PROSER1: variants seen among roughly 807,000 people sequenced by gnomAD.
The protein encoded by PROSER1 is proline and serine-rich protein 1.
Under a neutral mutation model 71.8 loss-of-function variants are expected in PROSER1, and 36 were observed. The observed-to-expected ratio is 0.50, with a 90% confidence interval of 0.38 to 0.66. The LOEUF (loss-of-function observed/expected upper bound fraction) is 0.66. PROSER1 is among the 30% of genes least tolerant of loss of function. The probability of loss-of-function intolerance (pLI) is 0.00; values close to 1 mark genes in which losing one functional copy is unlikely to be tolerated. For missense variants in PROSER1, 1,107 were observed against 1,135.0 expected, an observed-to-expected ratio of 0.98 and a Z score of 0.35; for synonymous variants, 490 against 452.4, an observed-to-expected ratio of 1.08 and a Z score of -1.06.
At chr13:39,036,800 A>C (rs972202641) in intron 1 of PROSER1, among the ~76,000 whole-genome samples, 1 of 152,176 alleles carries the variant, frequency 6.6e-6, no homozygotes, top group Non-Finnish European at 1.5e-5. Flanking sequence ...ACCCCATCAT[A>C]ATAACTACCA....
chr13:39,014,273 G>T lies in PROSER1; in HGVS notation c.979C>A (p.Pro327Thr). 1 of 1,614,150 alleles carries T rather than the reference G, an allele frequency of 6.2e-7. No individual in the cohort carries two copies. Among genetic ancestry groups the T allele is most frequent in the Non-Finnish European group, 8.5e-7 (1 of 1,180,012 alleles). Residue 327 changes from proline (P) to threonine (T), a missense_variant, in exon 11 of 13, where the codon CCT becomes ACT. Transcript: ENST00000352251. ...GTTGGGTTTGGTATTGATGGCTGAG[G>T]TGTGTGAACGGCTGAGGAGACCTGC... ...PGQVSSAVHT[P>T]QPSIPNPTVI...
chr13:39,013,268 C>A lies in PROSER1; in HGVS notation c.1984G>T (p.Gly662Cys), dbSNP rs1869780304. ...LSACLNPALS[G>C]LSSLSTPLNG... ...AAAGGAGTACTCAAGCTGGAGAGAC[C>A]TGACAATGCAGGATTAAGGCAAGCA... is the stretch of plus-strand genomic sequence containing the variant. The change falls in exon 11 of 13, where the codon GGT (glycine) becomes TGT (cysteine). Residue 662 changes from glycine (G) to cysteine (C), a missense_variant. Coordinates refer to ENST00000352251, the MANE Select transcript of PROSER1 (RefSeq NM_025138.5). 1.2e-6 allele frequency: 2 copies of A among 1,613,918 alleles called. No individual in the cohort carries two copies. The highest frequency in any genetic ancestry group is 1.7e-6 in the Non-Finnish European group (2 of 1,180,016).
Position 39,023,106 on chromosome 13 carries a change from T to TATGTGG in PROSER1, c.583_588dup (p.Pro195_His196dup). ...GGAGGTATCGGATAAGGAACAGGTTTATGTGGATTATATGTTGAAGGAGGC... is the reference window on the plus strand; with the variant it reads ...GGAGGTATCGGATAAGGAACAGGTTTATGTGGATGTGGATTATATGTTGAAGGAGGC... On this transcript the variant is annotated inframe_insertion, in exon 8 of 13. Coordinates refer to ENST00000352251, the MANE Select transcript of PROSER1 (RefSeq NM_025138.5). The TATGTGG allele has an allele frequency of 1.9e-6, 3 of 1,613,240 alleles. No individual in the cohort carries two copies. Among genetic ancestry groups the TATGTGG allele is most frequent in the Non-Finnish European group, 2.5e-6 (3 of 1,179,350 alleles).
chr13:39,036,426 C>G (rs746472209), intron 1 of PROSER1, among the ~76,000 whole-genome samples: 3 of 152,110 alleles, frequency 2.0e-5, no homozygotes, highest in Non-Finnish European at 4.4e-5. Flanking sequence ...ATGCAGCTGA[C>G]GAAAGAATAA....
chr13:39,020,078 TAAAAAA>T (rs34446921), intron 9 of PROSER1, among the ~76,000 whole-genome samples: 1 of 137,614 alleles, frequency 7.3e-6, no homozygotes, highest in African/African-American at 2.6e-5. Flanking sequence ...TCAAGAGACT[TAAAAAA>T]AAAAAAAAAC....
rs1259480972 is a variant in PROSER1, at chr13:39,011,495, A to G, written c.2713-8T>C. 7 of 1,613,408 alleles carry G rather than the reference A, an allele frequency of 4.3e-6. No homozygotes were observed. The highest frequency in any genetic ancestry group is 4.0e-5 in the African/African-American group (3 of 74,922). On this transcript the variant is annotated splice_polypyrimidine_tract_variant and splice_region_variant and intron_variant, in intron 12 of 12. Coordinates refer to ENST00000352251, the MANE Select transcript of PROSER1 (RefSeq NM_025138.5). ...AGCCGAAGCTGAATGGACCTGATGG[A>G]AAGAAGAGCGTGTGGTTTAGCAGAG...
rs1393982883 is a variant in PROSER1, at chr13:39,012,966, G to A, written c.2286C>T (p.Phe762=). ...GAACAGCAGTGGACAGGTTGAGGGG[G>A]AAAGGTGCTGCTGAGACTGGTGCTG... ...SASAPVSAAP[F]PLNLSTAVPS... Residue 762 remains phenylalanine (F), a synonymous_variant, in exon 11 of 13, where the codon TTC becomes TTT. Transcript: ENST00000352251. The A allele has an allele frequency of 1.9e-6, 3 of 1,614,146 alleles. No homozygotes were observed. The highest frequency in any genetic ancestry group is 1.1e-5 in the South Asian group (1 of 91,084).
At chr13:39,032,508 G>A (rs1349474585) in intron 2 of PROSER1, among the ~76,000 whole-genome samples, 3 of 152,126 alleles carry the variant, frequency 2.0e-5, no homozygotes, top group South Asian at 2.1e-4. Context: ...CTGAAAATAC[G>A]CTAAGGTTCC....
At chr13:39,026,415 G>GA in intron 5 of PROSER1, 28 bp from the exon 6 acceptor site, 1 of 1,467,210 alleles carries the variant, frequency 6.8e-7, no homozygotes, top group Non-Finnish European at 9.4e-7. Context: ...AGAGGGGTAG[G>GA]AAAAAAATTC....
chr13:39,029,452 T>A, intron 3 of PROSER1, 77 bp from the exon 4 acceptor site: 2 of 704,020 alleles, frequency 2.8e-6, no homozygotes, highest in Non-Finnish European at 2.3e-6. Context: ...GAAGTACAGT[T>A]AAATGCTCTT....
At chr13:39,032,569 G>T (rs374434931) in intron 2 of PROSER1, among the ~76,000 whole-genome samples, 24 of 152,188 alleles carry the variant, frequency 1.6e-4, no homozygotes, top group African/African-American at 5.8e-4. Flanking sequence ...GGTATGTAAA[G>T]AGAGTAAAAA....
chr13:39,029,586 A>G (rs1238201300), intron 3 of PROSER1, among the ~76,000 whole-genome samples: 2 of 152,174 alleles, frequency 1.3e-5, no homozygotes, highest in East Asian at 1.9e-4. Flanking sequence ...GATCTAATGA[A>G]GATCTAAGTT....
At chr13:39,023,706 T>A (rs548059713) in intron 7 of PROSER1, 1 of 152,580 alleles carries the variant, frequency 6.6e-6, no homozygotes, top group African/African-American at 2.4e-5. Context: ...AATCCACCAA[T>A]ACTTATTTTA....
In PROSER1 at chr13:39,024,658, G is replaced by C; in HGVS notation, c.481-102C>G. On this transcript the variant is annotated intron_variant, in intron 6 of 12. Transcript: ENST00000352251. ...TGTATTACACTGAAGAAAAGGACTTGGTAAGAGTGTAAAGACTTGCATTCC... is the reference window on the plus strand; with the variant it reads ...TGTATTACACTGAAGAAAAGGACTTCGTAAGAGTGTAAAGACTTGCATTCC... 6.1e-6 allele frequency: 5 copies of C among 815,036 alleles called. No individual in the cohort carries two copies. The South Asian group carries it at 8.7e-5, about 14-fold the overall frequency. 50.5% of individuals were successfully genotyped at this position (815,036 alleles called of 1,614,324 possible).
At position 39,012,711 on chromosome 13, in the gene PROSER1, G is replaced by A. The variant is rs781087523; in HGVS notation, c.2541C>T (p.Ser847=). The A allele has an allele frequency of 1.3e-5, 21 of 1,589,686 alleles. No individual in the cohort carries two copies. The highest frequency in any genetic ancestry group is 1.5e-5 in the Non-Finnish European group (18 of 1,168,278). ...CATACCCGGCTTGTGCAACAAGAGC[G>A]GAGTTGAAATTGGAACTGAATGCTG... ...FASAFSSNFN[S]ALVAQAGLSS... is the part of the protein sequence containing the mutation. The change falls in exon 11 of 13, where the codon TCC becomes TCT. Residue 847 remains serine, a synonymous_variant. Transcript: ENST00000352251.
rs187958429 is a variant in PROSER1, at chr13:39,012,710, C to A, written c.2542G>T (p.Ala848Ser). The change falls in exon 11 of 13, where the codon GCT becomes TCT. Residue 848 changes from alanine (A) to serine (S), a missense_variant. Ala to Ser is a moderately conservative substitution (Grantham distance 99). Coordinates refer to ENST00000352251, the MANE Select transcript of PROSER1 (RefSeq NM_025138.5). ...ASAFSSNFNS[A>S]LVAQAGLSSG... ...ACATACCCGGCTTGTGCAACAAGAG[C>A]GGAGTTGAAATTGGAACTGAATGCT... 4.4e-6 allele frequency: 7 copies of A among 1,588,108 alleles called. No homozygotes were observed. The highest frequency in any genetic ancestry group is 1.1e-5 in the South Asian group (1 of 87,356).
intron 9 of PROSER1, chr13:39,017,933 C>T (rs1870083981): frequency 1.1e-5 from 2 of 175,596 alleles, no homozygotes; most frequent in Non-Finnish European, 2.4e-5. Context: ...AGCTGTAGTG[C>T]AGAGAGGACC....
rs1250142030 is a variant in PROSER1 at position 39,012,918 on chromosome 13, T to A, written c.2334A>T (p.Gln778His). The A allele has an allele frequency of 6.2e-7, 1 of 1,614,028 alleles. No individual in the cohort carries two copies. The highest frequency in any genetic ancestry group is 1.1e-5 in the South Asian group (1 of 91,078). The change falls in exon 11 of 13, where the codon CAA becomes CAT. Residue 778 changes from glutamine (Q) to histidine (H), a missense_variant. Coordinates refer to ENST00000352251, the MANE Select transcript of PROSER1 (RefSeq NM_025138.5). ...AGGGATTTGAAGATGACAGAGGTCC[T>A]TGAGTAACAGAGAAAAGTGAGGGAA... ...TAVPSLFSVT[Q>H]GPLSSSNPSY...
At chr13:39,031,967 T>TAGAA (rs944198311) in intron 2 of PROSER1, among the ~76,000 whole-genome samples, 2 of 152,074 alleles carry the variant, frequency 1.3e-5, no homozygotes, top group Non-Finnish European at 2.9e-5. Context: ...AGCACTGGTC[T>TAGAA]AGAAAGAAAG....
Sources: gnomAD v4.1 joint callset for allele counts (sites outside exome capture counted in the v4.1 genomes callset) on GRCh38, gnomAD v4.1.1 for gene constraint, MANE v1.5 for transcripts, NCBI Gene and HGNC (gene_info 2026-07-23, HGNC 2026-07-21) for gene names.